NECAB2: variants seen among roughly 807,000 people sequenced by gnomAD.
The protein encoded by NECAB2 is N-terminal EF-hand calcium binding protein 2.
Under a neutral mutation model 51.9 loss-of-function variants are expected in NECAB2, and 68 were observed. The ratio of observed to expected loss-of-function variants is 1.31; its 90% confidence interval spans 1.08 to 1.60. The LOEUF (loss-of-function observed/expected upper bound fraction) is 1.60, where lower values mean the gene tolerates loss of function less well. NECAB2 is among the 40% of genes most tolerant of loss of function. The pLI is 0.00. For synonymous variants in NECAB2, 329 were observed against 203.5 expected, an observed-to-expected ratio of 1.62 and a Z score of -5.25; for missense variants, 854 against 490.3, an observed-to-expected ratio of 1.74 and a Z score of -7.00.
intron 10 of NECAB2, among the ~76,000 whole-genome samples, chr16:83,999,922 C>G (rs1033152814): frequency 6.9e-6 from 1 of 145,150 alleles, no homozygotes; most frequent in African/African-American, 2.9e-5. Flanking sequence ...GCTTTATTGT[C>G]CAGGCAGGAG....
upstream of NECAB2, chr16:83,965,866 C>G (rs758444757): frequency 1.9e-6 from 3 of 1,612,864 alleles, no homozygotes; most frequent in East Asian, 6.7e-5. Flanking sequence ...ACGTGGACCC[C>G]TTCACCTACC....
intron 3 of NECAB2, among the ~76,000 whole-genome samples, chr16:83,979,827 A>G (rs917227196): frequency 1.3e-5 from 2 of 152,182 alleles, no homozygotes; most frequent in Non-Finnish European, 2.9e-5. Context: ...AATCTCCCCA[A>G]CATTACCTAA....
At chr16:83,988,850 A>G (rs2084587139) in intron 5 of NECAB2, among the ~76,000 whole-genome samples, 1 of 152,150 alleles carries the variant, frequency 6.6e-6, no homozygotes. Flanking sequence ...ATTATGTAAT[A>G]TACCCATGTA....
intron 5 of NECAB2, 72 bp from the exon 6 acceptor site, chr16:83,990,422 C>T (rs965146750): frequency 3.3e-5 from 52 of 1,567,900 alleles, no homozygotes; most frequent in Admixed American, 2.4e-4. Flanking sequence ...TCCCCCAACT[C>T]CTGTGCTAGA....
chr16:83,986,248 G>A (rs181751800), intron 5 of NECAB2, among the ~76,000 whole-genome samples: 17 of 152,124 alleles, frequency 1.1e-4, no homozygotes, highest in African/African-American at 2.4e-4. Flanking sequence ...AACTCCTGAC[G>A]TCAGGTGTTC....
rs7193267 is a variant in NECAB2 at position 83,997,243 on chromosome 16, C to G, written c.823C>G (p.Leu275Val). ...ACTGTGGTTCGACCTGCAGCAGCGC[C>G]TGTCAGATGAAGATGGCACCAACAT... ...KALWFDLQQR[L>V]SDEDGTNMHL... The change falls in exon 9 of 13, where the codon CTG (leucine) becomes GTG (valine). Residue 275 changes from leucine (L) to valine (V), a missense_variant. Physicochemically the swap from Leu to Val is conservative, Grantham distance 32. Coordinates refer to ENST00000305202, the MANE Select transcript of NECAB2 (RefSeq NM_019065.3). The G allele has an allele frequency of 1.2e-6, 2 of 1,614,172 alleles. No homozygotes were observed. The highest frequency in any genetic ancestry group is 1.7e-6 in the Non-Finnish European group (2 of 1,180,044).
At chr16:84,000,246 T>G (rs2084801177) in intron 10 of NECAB2, among the ~76,000 whole-genome samples, 1 of 152,150 alleles carries the variant, frequency 6.6e-6, no homozygotes, top group Non-Finnish European at 1.5e-5. Context: ...ACATGACATT[T>G]CAGCTGGGCA....
At chr16:83,970,338 G>A (rs1450515808) in intron 1 of NECAB2, among the ~76,000 whole-genome samples, 1 of 152,106 alleles carries the variant, frequency 6.6e-6, no homozygotes, top group Non-Finnish European at 1.5e-5. Flanking sequence ...GCCTCAAGGG[G>A]GATCTGGGAC....
rs1163144710 is a variant in NECAB2 at position 83,972,230 on chromosome 16, A to G, written c.226+55A>G. 8 of 1,611,388 alleles carry G rather than the reference A, an allele frequency of 5.0e-6. No homozygotes were observed. The African/African-American group carries it at 5.3e-5, about 11-fold the overall frequency. On this transcript the variant is annotated intron_variant, in intron 2 of 12. Coordinates refer to ENST00000305202, the MANE Select transcript of NECAB2 (RefSeq NM_019065.3). ...CCCACTCCTTCTGTCCTCGTGCTTC[A>G]TGGGGAAGGGATCAGGGATAGGAGA... is the stretch of plus-strand genomic sequence containing the variant.
chr16:83,997,916 C>T (rs768380674), intron 9 of NECAB2, among the ~76,000 whole-genome samples: 37 of 152,154 alleles, frequency 2.4e-4, no homozygotes, highest in Non-Finnish European at 5.1e-4. Flanking sequence ...TGTGCTGTGT[C>T]TCCAGGCCCT....
intron 9 of NECAB2, among the ~76,000 whole-genome samples, chr16:83,997,734 C>T (rs561660272): frequency 1.3e-5 from 2 of 152,018 alleles, no homozygotes; most frequent in Admixed American, 1.3e-4. Context: ...TCCTCATGAT[C>T]TGCCCACCTT....
At chr16:83,984,280 C>T (rs1344876685) in intron 5 of NECAB2, among the ~76,000 whole-genome samples, 2 of 150,320 alleles carry the variant, frequency 1.3e-5, no homozygotes, top group Admixed American at 6.6e-5. Context: ...CAGGCGTGAG[C>T]CACCGCGCCC....
intron 5 of NECAB2, among the ~76,000 whole-genome samples, chr16:83,981,832 C>T (rs2084493281): frequency 6.6e-6 from 1 of 152,154 alleles, no homozygotes; most frequent in South Asian, 2.1e-4. Flanking sequence ...GAACTGGGAG[C>T]ATGCAAGGGT....
intron 2 of NECAB2, among the ~76,000 whole-genome samples, chr16:83,976,642 G>C (rs1448062859): frequency 6.6e-6 from 1 of 152,084 alleles, no homozygotes; most frequent in African/African-American, 2.4e-5. Flanking sequence ...GGGTTTTTTT[G>C]GCCTTTCCTT....
At chr16:83,966,102 G>A (rs947018511), upstream of NECAB2, 10 of 1,071,098 alleles carry the variant, frequency 9.3e-6, no homozygotes, top group Admixed American at 2.6e-4. Context: ...GCCCCGGGGA[G>A]GGGTGTCAGC....
chr16:83,996,882 G>C (rs2084708086), intron 8 of NECAB2, among the ~76,000 whole-genome samples: 1 of 152,150 alleles, frequency 6.6e-6, no homozygotes, highest in Non-Finnish European at 1.5e-5. Flanking sequence ...TTAGATCCCT[G>C]AGGTGCTGGG....
chr16:83,970,288 TCAG>T (rs1183445458), intron 1 of NECAB2, among the ~76,000 whole-genome samples: 4 of 152,104 alleles, frequency 2.6e-5, no homozygotes, highest in African/African-American at 9.7e-5. Flanking sequence ...ACTCATGTGT[TCAG>T]CATTCCTGCC....
intron 2 of NECAB2, among the ~76,000 whole-genome samples, chr16:83,975,517 C>T (rs1179376501): frequency 6.6e-6 from 1 of 152,126 alleles, no homozygotes; most frequent in East Asian, 1.9e-4. Flanking sequence ...TCAAAGGACC[C>T]CCCAGGCTGC....
At chr16:83,979,447 G>T (rs2084456858) in intron 3 of NECAB2, among the ~76,000 whole-genome samples, 1 of 152,148 alleles carries the variant, frequency 6.6e-6, no homozygotes, top group African/African-American at 2.4e-5. Flanking sequence ...AGTCCTGGGG[G>T]GCACTGGCTG....
Sources: allele counts gnomAD v4.1 joint callset (sites outside exome capture counted in the v4.1 genomes callset), GRCh38; gene constraint gnomAD v4.1.1; transcripts MANE v1.5; gene names NCBI Gene and HGNC (gene_info 2026-07-23, HGNC 2026-07-21).